The following LHFPL6 variants were observed in gnomAD, a reference collection of about 807,000 sequenced individuals.
The protein encoded by LHFPL6 is LHFPL tetraspan subfamily member 6.
LHFPL6 carries 9 observed loss-of-function variants against 20.6 expected under a neutral mutation model. The observed-to-expected ratio is 0.44, with a 90% CI of 0.26 to 0.76. LHFPL6 has a LOEUF of 0.76. Ranked by LOEUF, LHFPL6 falls within the 30% of genes least tolerant of loss-of-function variation. The pLI, the probability that LHFPL6 is intolerant of heterozygous loss-of-function variation, is 0.20. For missense variants in LHFPL6, 218 were observed against 253.5 expected, an observed-to-expected ratio of 0.86 and a Z score of 0.95; for synonymous variants, 105 against 98.7, an observed-to-expected ratio of 1.06 and a Z score of -0.38.
chr13:39,447,233 TGA>T (rs1274690255), intron 2 of LHFPL6, among the ~76,000 whole-genome samples: 4 of 152,240 alleles, frequency 2.6e-5, no homozygotes, highest in African/African-American at 9.6e-5. Flanking sequence ...GCACTGAATT[TGA>T]GTGTGCCCAT....
At chr13:39,513,935 CA>C (rs1869812843) in intron 2 of LHFPL6, among the ~76,000 whole-genome samples, 1 of 152,030 alleles carries the variant, frequency 6.6e-6, no homozygotes, top group African/African-American at 2.4e-5. Context: ...GAGAACCAGT[CA>C]AAAAAATTGA....
chr13:39,457,375 G>T (rs1317260861), intron 2 of LHFPL6, among the ~76,000 whole-genome samples: 1 of 152,144 alleles, frequency 6.6e-6, no homozygotes, highest in Non-Finnish European at 1.5e-5. Flanking sequence ...TACATGAAAA[G>T]AAGTTCAACA....
intron 2 of LHFPL6, among the ~76,000 whole-genome samples, chr13:39,582,394 A>G (rs1872316345): frequency 6.6e-6 from 1 of 152,160 alleles, no homozygotes. Flanking sequence ...ACTTTTATCA[A>G]ACTGGGGTAT....
intron 2 of LHFPL6, among the ~76,000 whole-genome samples, chr13:39,462,892 C>A (rs897560336): frequency 2.0e-5 from 3 of 152,148 alleles, no homozygotes; most frequent in African/African-American, 7.2e-5. Context: ...GGGGTGCTGG[C>A]ATGGTTAACT....
intron 2 of LHFPL6, among the ~76,000 whole-genome samples, chr13:39,409,344 C>G (rs1436696077): frequency 6.6e-6 from 1 of 152,030 alleles, no homozygotes; most frequent in Non-Finnish European, 1.5e-5. Flanking sequence ...ATCCCAGCTA[C>G]TCAGGAGGCT....
intron 2 of LHFPL6, among the ~76,000 whole-genome samples, chr13:39,430,947 A>AATAAATCTTGCT: frequency 6.6e-6 from 1 of 152,302 alleles, no homozygotes; most frequent in East Asian, 1.9e-4. Flanking sequence ...CACTCTTCAC[A>AATAAATCTTGCT]ATAAATCTTG....
chr13:39,572,288 C>CTGTGTGTGTGTGTGTG (rs3222813), intron 2 of LHFPL6, among the ~76,000 whole-genome samples: 4 of 143,406 alleles, frequency 2.8e-5, no homozygotes, highest in African/African-American at 7.7e-5. Flanking sequence ...TTTTTAAACT[C>CTGTGTGTGTGTGTGTG]TGTGTGTGTG....
In LHFPL6 at chr13:39,348,889, C is replaced by A. The variant is rs1323941; in HGVS notation, c.485-4835G>T. On this transcript the variant is annotated intron_variant, in intron 3 of 3. Coordinates refer to ENST00000379589, the MANE Select transcript of LHFPL6 (RefSeq NM_005780.3). Reference sequence around the variant, plus strand: ...CTAGTCATTGTTATCTGGATCCATTCCTGTTTATGTCATAAAACAGGTAGT... The same window carrying A: ...CTAGTCATTGTTATCTGGATCCATTACTGTTTATGTCATAAAACAGGTAGT... 8.1e-3 allele frequency among the ~76,000 whole-genome samples: 1,232 copies of A among 152,246 alleles called. 21 individuals are homozygous for A. The highest frequency in any genetic ancestry group is 0.028 in the African/African-American group (1,168 of 41,526).
chr13:39,436,853 A>G (rs1235941064), intron 2 of LHFPL6, among the ~76,000 whole-genome samples: 1 of 152,136 alleles, frequency 6.6e-6, no homozygotes, highest in East Asian at 1.9e-4. Flanking sequence ...GGCCCCAACA[A>G]TGGGAGGTGT....
At chr13:39,413,635 T>C (rs1058214) in intron 2 of LHFPL6, among the ~76,000 whole-genome samples, 13,843 of 151,910 alleles carry the variant, frequency 0.091, 696 homozygotes, top group Middle Eastern at 0.13. Flanking sequence ...TTTTCTGTTG[T>C]GTTGCTGTCT....
intron 2 of LHFPL6, among the ~76,000 whole-genome samples, chr13:39,425,509 G>A (rs1871614498): frequency 6.6e-6 from 1 of 152,208 alleles, no homozygotes; most frequent in Admixed American, 6.5e-5. Context: ...AGCAGTTTAT[G>A]AGAACTCCAG....
At chr13:39,363,793 G>C (rs1268948614) in intron 3 of LHFPL6, among the ~76,000 whole-genome samples, 1 of 152,092 alleles carries the variant, frequency 6.6e-6, no homozygotes, top group African/African-American at 2.4e-5. Context: ...ATAATTACCT[G>C]CCTGCTCTTT....
At chr13:39,543,331 T>C (rs1055616627) in intron 2 of LHFPL6, among the ~76,000 whole-genome samples, 2 of 152,222 alleles carry the variant, frequency 1.3e-5, no homozygotes, top group Admixed American at 1.3e-4. Flanking sequence ...TTGCAGACCT[T>C]AGTCCAGAAT....
intron 2 of LHFPL6, among the ~76,000 whole-genome samples, chr13:39,449,220 G>T (rs936370290): frequency 6.6e-6 from 1 of 152,172 alleles, no homozygotes; most frequent in Non-Finnish European, 1.5e-5. Flanking sequence ...TACATTTCAC[G>T]ACAGTTACTT....
chr13:39,571,600 C>T (rs567431387), intron 2 of LHFPL6, among the ~76,000 whole-genome samples: 52 of 152,368 alleles, frequency 3.4e-4, no homozygotes, highest in African/African-American at 1.2e-3. Context: ...TTCCTGGATG[C>T]CGGACAAGAG....
chr13:39,416,808 T>C (rs1249454974), intron 2 of LHFPL6, among the ~76,000 whole-genome samples: 2 of 152,172 alleles, frequency 1.3e-5, no homozygotes, highest in Non-Finnish European at 2.9e-5. Flanking sequence ...GCAAATCAAA[T>C]TTTCCTCCTA....
intron 3 of LHFPL6, among the ~76,000 whole-genome samples, chr13:39,352,867 A>ATATATATGTG (rs1869609062): frequency 2.7e-5 from 2 of 75,404 alleles, no homozygotes; most frequent in South Asian, 5.0e-4. Context: ...ATATATGTGT[A>ATATATATGTG]TATATATATA....
Position 39,343,933 on chromosome 13 carries a change from A to G in LHFPL6, c.*3T>C. On this transcript the variant is annotated 3_prime_UTR_variant, in exon 4 of 4. Transcript: ENST00000379589. Reference sequence around the variant, plus strand: ...TCCTCTGTCTGCTCTTGGTAGCTCCATCTCAGTATGGGTAGTGCTTCTGTT... The same window carrying G: ...TCCTCTGTCTGCTCTTGGTAGCTCCGTCTCAGTATGGGTAGTGCTTCTGTT... 6.2e-7 allele frequency: 1 copy of G among 1,612,232 alleles called. No individual in the cohort carries two copies. The highest frequency in any genetic ancestry group is 8.5e-7 in the Non-Finnish European group (1 of 1,178,754).
chr13:39,446,130 G>A (rs7332526), intron 2 of LHFPL6, among the ~76,000 whole-genome samples: 16,028 of 152,234 alleles, frequency 0.11, 1,028 homozygotes, highest in East Asian at 0.3. Context: ...ATGGTAGTTA[G>A]GAGCACAAAC....
Sources: allele counts gnomAD v4.1 joint callset (sites outside exome capture counted in the v4.1 genomes callset), GRCh38; gene constraint gnomAD v4.1.1; transcripts MANE v1.5; gene names NCBI Gene and HGNC (gene_info 2026-07-23, HGNC 2026-07-21).